MAP2K6: variants seen among roughly 807,000 people sequenced by gnomAD.
The protein encoded by MAP2K6 is dual specificity mitogen-activated protein kinase kinase 6.
A neutral mutation model predicts 53.7 loss-of-function variants in MAP2K6; 16 were observed. That is an observed-to-expected ratio of 0.30 (90% CI 0.20 to 0.45). MAP2K6 has a LOEUF of 0.45. Among genes scored for constraint, MAP2K6 ranks in the 20% least tolerant of loss-of-function variants. MAP2K6 has a pLI of 1.00. For missense variants in MAP2K6, 204 were observed against 411.9 expected (o/e 0.50, Z 4.37); for synonymous variants, 132 against 143.1 (o/e 0.92, Z 0.55).
intron 1 of MAP2K6, among the ~76,000 whole-genome samples, chr17:69,455,152 G>A (rs999724225): frequency 1.3e-5 from 2 of 151,962 alleles, no homozygotes; most frequent in Non-Finnish European, 2.9e-5. Context: ...TTATATTGGA[G>A]ATATGAGAGT....
At chr17:69,421,987 C>T (rs1054996372) in intron 1 of MAP2K6, among the ~76,000 whole-genome samples, 6 of 152,096 alleles carry the variant, frequency 3.9e-5, no homozygotes. Flanking sequence ...GCTTGTACCC[C>T]ACTCTGTCTC....
chr17:69,481,088 C>T (rs746651222), intron 1 of MAP2K6, among the ~76,000 whole-genome samples: 2 of 152,158 alleles, frequency 1.3e-5, no homozygotes, highest in African/African-American at 4.8e-5. Context: ...GTCCCCAGAA[C>T]TCTTTTTTCA....
At chr17:69,496,696 G>C (rs1299259222) in intron 1 of MAP2K6, among the ~76,000 whole-genome samples, 1 of 151,982 alleles carries the variant, frequency 6.6e-6, no homozygotes, top group African/African-American at 2.4e-5. Flanking sequence ...TTGTTTCCCT[G>C]TCTGTCTCAG....
At chr17:69,537,860 G>A (rs146819273) in intron 11 of MAP2K6, among the ~76,000 whole-genome samples, 485 of 152,140 alleles carry the variant, frequency 3.2e-3, no homozygotes, top group Non-Finnish European at 5.4e-3. Flanking sequence ...TTTTCTTCCC[G>A]ATTATTTTTT....
At chr17:69,427,586 C>A (rs552360529) in intron 1 of MAP2K6, among the ~76,000 whole-genome samples, 1 of 152,194 alleles carries the variant, frequency 6.6e-6, no homozygotes, top group African/African-American at 2.4e-5. Flanking sequence ...ATTTAATCAC[C>A]TTCTTTCCCT....
rs996113021 is a variant in MAP2K6 at position 69,548,064 on chromosome 17, G to C, written c.*6311G>C. On this transcript the variant is annotated 3_prime_UTR_variant, in exon 12 of 12. Transcript: ENST00000590474. The stretch of plus-strand genomic sequence containing the variant: ...TCACATTTTAAGGAAGTAGGAAAGA[G>C]TAGTTTGAAGTCACAAAATTTGTTC... The C allele has an allele frequency of 1.3e-5, 2 of 152,204 alleles. No homozygotes were observed. The highest frequency in any genetic ancestry group is 4.8e-5 in the African/African-American group (2 of 41,456). The allele number at this position is 152,204 out of a possible 1,614,324, so 9.4% of individuals were successfully genotyped here. A position where few individuals can be genotyped will look rare whatever the true frequency, so the allele number is the denominator to read the frequency against.
chr17:69,456,613 G>C (rs1907418310), intron 1 of MAP2K6, among the ~76,000 whole-genome samples: 1 of 152,178 alleles, frequency 6.6e-6, no homozygotes, highest in Non-Finnish European at 1.5e-5. Flanking sequence ...TGTTTTCTCA[G>C]TGGGGTCTAG....
chr17:69,518,247 C>T (rs1466420078), intron 4 of MAP2K6, among the ~76,000 whole-genome samples: 1 of 151,960 alleles, frequency 6.6e-6, no homozygotes, highest in African/African-American at 2.4e-5. Context: ...AATCCGGAGT[C>T]CAAATGAAAA....
At chr17:69,505,261 G>A (rs1187245772) in intron 1 of MAP2K6, among the ~76,000 whole-genome samples, 1 of 151,818 alleles carries the variant, frequency 6.6e-6, no homozygotes, top group Non-Finnish European at 1.5e-5. Context: ...GGCCAACAGG[G>A]AGAAACCCCC....
chr17:69,437,016 G>A (rs141379004), intron 1 of MAP2K6, among the ~76,000 whole-genome samples: 4 of 151,956 alleles, frequency 2.6e-5, no homozygotes, highest in Non-Finnish European at 5.9e-5. Context: ...TAGTAGAGAC[G>A]GGGTTTCACC....
intron 1 of MAP2K6, among the ~76,000 whole-genome samples, chr17:69,448,425 G>C (rs9892444): frequency 2.0e-5 from 3 of 151,730 alleles, no homozygotes; most frequent in Non-Finnish European, 4.4e-5. Context: ...TGGAGAGTCC[G>C]TTAAGGTTGC....
intron 1 of MAP2K6, among the ~76,000 whole-genome samples, chr17:69,463,733 TAGAA>T (rs1450923972): frequency 6.6e-6 from 1 of 151,980 alleles, no homozygotes; most frequent in Non-Finnish European, 1.5e-5. Context: ...TGAATCTACT[TAGAA>T]AGAATTTTAT....
chr17:69,517,780 T>C (rs1598304495), intron 4 of MAP2K6, among the ~76,000 whole-genome samples, 167 bp downstream of exon 4: 1 of 152,370 alleles, frequency 6.6e-6, no homozygotes, highest in South Asian at 2.1e-4. Flanking sequence ...GGAAAAGTCT[T>C]CCTTGGTGTG....
At chr17:69,502,148 G>A in intron 1 of MAP2K6, 2 of 985,106 alleles carry the variant, frequency 2.0e-6, no homozygotes, top group South Asian at 4.7e-5. Flanking sequence ...TCACGCCTGG[G>A]TGTCCACATA....
At chr17:69,539,620 G>T (rs1379784204) in intron 11 of MAP2K6, among the ~76,000 whole-genome samples, 3 of 151,170 alleles carry the variant, frequency 2.0e-5, no homozygotes, top group South Asian at 2.1e-4. Context: ...CTTTTTTTTT[G>T]ATTAAAGACT....
rs1445575932 is a variant in MAP2K6 at position 69,551,196 on chromosome 17, T to C, written c.*9443T>C. 1.3e-5 allele frequency: 2 copies of C among 152,226 alleles called. No individual in the cohort carries two copies. The highest frequency in any genetic ancestry group is 4.8e-5 in the African/African-American group (2 of 41,456). The allele number at this position is 152,226 out of a possible 1,614,324, so 9.4% of individuals were successfully genotyped here. A position where few individuals can be genotyped will look rare whatever the true frequency, so the allele number is the denominator to read the frequency against. On this transcript the variant is annotated 3_prime_UTR_variant, in exon 12 of 12. Coordinates refer to ENST00000590474, the MANE Select transcript of MAP2K6 (RefSeq NM_002758.4). Reference sequence around the variant, plus strand: ...TTGCAGAGGCAGGAGTTACCGTTTTTGTTCATTGACCTATCAGAAAAAAGC... The same window carrying C: ...TTGCAGAGGCAGGAGTTACCGTTTTCGTTCATTGACCTATCAGAAAAAAGC...
In MAP2K6 at chr17:69,552,052, G is replaced by A. The variant is rs552109228; in HGVS notation, c.*10299G>A. 1.3e-5 allele frequency: 2 copies of A among 152,278 alleles called. No homozygotes were observed. The highest frequency in any genetic ancestry group is 3.9e-4 in the East Asian group (2 of 5,186). The allele number at this position is 152,278 out of a possible 1,614,324, so 9.4% of individuals were successfully genotyped here. A position where few individuals can be genotyped will look rare whatever the true frequency, so the allele number is the denominator to read the frequency against. ...CCGTTTATTAATATGGACTTTGTAA[G>A]GAAACACAACAACACGTTTTCTTAC... On this transcript the variant is annotated 3_prime_UTR_variant, in exon 12 of 12. Coordinates refer to ENST00000590474, the MANE Select transcript of MAP2K6 (RefSeq NM_002758.4).
intron 1 of MAP2K6, among the ~76,000 whole-genome samples, chr17:69,450,526 T>C (rs1278540644): frequency 2.0e-5 from 3 of 152,162 alleles, no homozygotes; most frequent in African/African-American, 7.2e-5. Context: ...GATGAAGCCT[T>C]AGAGGTCATG....
rs113989293 is a variant in MAP2K6 at position 69,526,872 on chromosome 17, C to T, written c.881+163C>T. The stretch of plus-strand genomic sequence containing the variant: ...AGCAAAGATGACCGTATCACACTCC[C>T]TGCCCTCACTGAGCCCAAAGTCAAG... On this transcript the variant is annotated intron_variant, in intron 10 of 11. Coordinates refer to ENST00000590474, the MANE Select transcript of MAP2K6 (RefSeq NM_002758.4). 8.5e-4 allele frequency among the ~76,000 whole-genome samples: 129 copies of T among 152,284 alleles called. 1 individual carries two copies. Among genetic ancestry groups the T allele is most frequent in the African/African-American group, 3.0e-3 (124 of 41,544 alleles).
Sources: allele counts gnomAD v4.1 joint callset (sites outside exome capture counted in the v4.1 genomes callset), GRCh38; gene constraint gnomAD v4.1.1; transcripts MANE v1.5; gene names NCBI Gene and HGNC (gene_info 2026-07-23, HGNC 2026-07-21).